PVT1: variants seen among roughly 807,000 people sequenced by gnomAD.
The protein encoded by PVT1 is Pvt1 oncogene, also known as CXCR4/PVT1 fusion.
At chr8:128,074,196 C>G (rs1814048337) in intron 5 of PVT1, among the ~76,000 whole-genome samples, 1 of 152,118 alleles carries the variant, frequency 6.6e-6, no homozygotes, top group African/African-American at 2.4e-5. Flanking sequence ...AAAACTGCCA[C>G]ATTTTGCCCA....
At chr8:127,805,024 G>A (rs756956114) in intron 2 of PVT1, among the ~76,000 whole-genome samples, 11 of 147,310 alleles carry the variant, frequency 7.5e-5, no homozygotes, top group South Asian at 2.2e-4. Flanking sequence ...TCTGCCTCCC[G>A]GGTTCAAGTG....
At chr8:127,949,642 A>G (rs928158164) in intron 3 of PVT1, among the ~76,000 whole-genome samples, 5 of 151,220 alleles carry the variant, frequency 3.3e-5, no homozygotes, top group Admixed American at 3.3e-4. Context: ...AACACCTCTC[A>G]CATGGTTAAA....
rs376230509 is a variant in PVT1 at position 127,831,399 on chromosome 8, CAG to C, written n.372+35333_372+35334del. On this transcript the variant is annotated intron_variant and non_coding_transcript_variant, in intron 2 of 10. Transcript: ENST00000651587. The stretch of plus-strand genomic sequence containing the variant: ...GAAGATGGGCAGTAGATTGTGGGCG[CAG>C]AGAGTTCTGTGCAGGCATGTTAAAT... Among the ~76,000 whole-genome samples, 1,094 of 152,154 alleles carry C rather than the reference CAG, an allele frequency of 7.2e-3. 9 individuals are homozygous for C. Among genetic ancestry groups the C allele is most frequent in the African/African-American group, 0.025 (1,020 of 41,498 alleles).
At chr8:128,061,570 G>A (rs900778838) in intron 4 of PVT1, among the ~76,000 whole-genome samples, 1 of 152,154 alleles carries the variant, frequency 6.6e-6, no homozygotes, top group African/African-American at 2.4e-5. Flanking sequence ...AACCTTTTGA[G>A]CAACTGCTAA....
chr8:128,041,340 C>T (rs1417706944), intron 4 of PVT1, among the ~76,000 whole-genome samples: 1 of 143,342 alleles, frequency 7.0e-6, no homozygotes, highest in Non-Finnish European at 1.5e-5. Context: ...TGTGTTTATG[C>T]TTGTATGTGT....
intron 5 of PVT1, among the ~76,000 whole-genome samples, chr8:128,084,596 A>C (rs954560692): frequency 6.6e-6 from 1 of 152,256 alleles, no homozygotes; most frequent in Non-Finnish European, 1.5e-5. Flanking sequence ...CAAGGAATCC[A>C]CAGAAACCAG....
At chr8:128,036,952 C>T (rs1365667894) in intron 4 of PVT1, among the ~76,000 whole-genome samples, 1 of 152,204 alleles carries the variant, frequency 6.6e-6, no homozygotes, top group Non-Finnish European at 1.5e-5. Flanking sequence ...TCCAGGCCCA[C>T]CATGGGTTTG....
At chr8:128,049,053 T>G in intron 4 of PVT1, 1 of 466,196 alleles carries the variant, frequency 2.1e-6, no homozygotes, top group Non-Finnish European at 4.2e-6. Flanking sequence ...TTATCTGGCT[T>G]GGTAATATTA....
chr8:128,036,813 T>A (rs1361328131), intron 4 of PVT1, among the ~76,000 whole-genome samples: 2 of 152,154 alleles, frequency 1.3e-5, no homozygotes, highest in Non-Finnish European at 2.9e-5. Context: ...TAGAAGGCTG[T>A]CAAAGCAGCT....
At chr8:127,889,422 G>A (rs6986878) in intron 2 of PVT1, among the ~76,000 whole-genome samples, 70,966 of 150,518 alleles carry the variant, frequency 0.47, 17,141 homozygotes, top group East Asian at 0.81. Context: ...GAGCCACCGC[G>A]CCCAGCCTCA....
chr8:127,944,335 A>T (rs536917991), intron 3 of PVT1, among the ~76,000 whole-genome samples: 150 of 152,176 alleles, frequency 9.9e-4, no homozygotes, highest in African/African-American at 3.3e-3. Flanking sequence ...CGTGGCTTAG[A>T]GGCTGAGCAT....
At chr8:127,946,790 C>T (rs1017501361) in intron 3 of PVT1, 2 of 153,938 alleles carry the variant, frequency 1.3e-5, no homozygotes, top group Non-Finnish European at 2.9e-5. Flanking sequence ...TGTTGGAATT[C>T]CTAGAATCCC....
intron 2 of PVT1, among the ~76,000 whole-genome samples, chr8:127,798,801 G>A (rs140715822): frequency 2.0e-5 from 3 of 151,968 alleles, no homozygotes; most frequent in South Asian, 4.2e-4. Context: ...TCTTGAACCC[G>A]GGAGACGGAG....
At chr8:128,015,717 G>A (rs1817364738) in intron 4 of PVT1, among the ~76,000 whole-genome samples, 1 of 141,028 alleles carries the variant, frequency 7.1e-6, no homozygotes, top group African/African-American at 2.7e-5. Context: ...AGGTTGCAGT[G>A]AGCCAAGATC....
chr8:127,920,249 G>T (rs148845640), intron 3 of PVT1, among the ~76,000 whole-genome samples: 12 of 152,346 alleles, frequency 7.9e-5, no homozygotes, highest in South Asian at 4.1e-4. Context: ...TGCAAGAACA[G>T]CAGAAACTCG....
intron 2 of PVT1, among the ~76,000 whole-genome samples, chr8:127,837,320 A>G (rs535499878): frequency 1.3e-5 from 2 of 152,040 alleles, no homozygotes; most frequent in South Asian, 4.2e-4. Flanking sequence ...CAACCTGTAA[A>G]AGGAAAAAAG....
At chr8:127,956,998 C>T (rs1435647415) in intron 3 of PVT1, among the ~76,000 whole-genome samples, 1 of 152,130 alleles carries the variant, frequency 6.6e-6, no homozygotes, top group Non-Finnish European at 1.5e-5. Context: ...TTTTTATTCT[C>T]TCTAGTGATT....
chr8:127,887,312 T>G (rs2129796189), intron 2 of PVT1, among the ~76,000 whole-genome samples: 1 of 152,342 alleles, frequency 6.6e-6, no homozygotes, highest in South Asian at 2.1e-4. Flanking sequence ...AGGAACTCAC[T>G]GGCTTGCTGA....
intron 2 of PVT1, among the ~76,000 whole-genome samples, chr8:127,816,609 C>T (rs191432675): frequency 5.9e-5 from 9 of 151,884 alleles, no homozygotes; most frequent in Non-Finnish European, 1.0e-4. Context: ...CTGTAACCTC[C>T]ACCTCCTGGG....
Sources: gnomAD v4.1 joint callset for allele counts (sites outside exome capture counted in the v4.1 genomes callset) on GRCh38, gnomAD v4.1.1 for gene constraint, MANE v1.5 for transcripts, NCBI Gene and HGNC (gene_info 2026-07-23, HGNC 2026-07-21) for gene names.